Variants in HS3ST4 observed in about 807,000 individuals in gnomAD.
The protein encoded by HS3ST4 is heparan sulfate-glucosamine 3-sulfotransferase 4.
Under a neutral mutation model 29.2 loss-of-function variants are expected in HS3ST4, and 17 were observed. The observed-to-expected ratio is 0.58, with a 90% CI of 0.40 to 0.87. The LOEUF is 0.87. HS3ST4 is among the 40% of genes least tolerant of loss of function. The pLI is 0.00. For missense variants in HS3ST4, 627 were observed against 634.5 expected (o/e 0.99, Z 0.13); for synonymous variants, 314 against 285.7 (o/e 1.10, Z -1.00).
intron 1 of HS3ST4, among the ~76,000 whole-genome samples, chr16:25,829,207 G>A (rs1365518048): frequency 1.3e-5 from 2 of 152,192 alleles, no homozygotes; most frequent in African/African-American, 2.4e-5. Context: ...CTCCCTTCAT[G>A]GAGACTTGCC....
At chr16:25,743,457 C>T (rs1243757408) in intron 1 of HS3ST4, among the ~76,000 whole-genome samples, 1 of 152,122 alleles carries the variant, frequency 6.6e-6, no homozygotes. Flanking sequence ...ATCGGCATAT[C>T]AGAGGAGGCT....
intron 1 of HS3ST4, among the ~76,000 whole-genome samples, chr16:25,988,662 G>A (rs1335637397): frequency 6.6e-6 from 1 of 152,130 alleles, no homozygotes; most frequent in African/African-American, 2.4e-5. Context: ...GCTAAATGAT[G>A]AGAACACATG....
intron 1 of HS3ST4, among the ~76,000 whole-genome samples, chr16:25,831,627 A>G (rs1967302026): frequency 6.6e-6 from 1 of 151,990 alleles, no homozygotes; most frequent in Non-Finnish European, 1.5e-5. Context: ...AAAATTTTGC[A>G]TATTGACCCA....
At chr16:25,710,620 A>G (rs1045063470) in intron 1 of HS3ST4, among the ~76,000 whole-genome samples, 2 of 151,970 alleles carry the variant, frequency 1.3e-5, no homozygotes, top group Non-Finnish European at 2.9e-5. Context: ...TATTAGGCCT[A>G]TGTACTAGAA....
chr16:25,849,684 T>G (rs1967498898), intron 1 of HS3ST4, among the ~76,000 whole-genome samples: 1 of 152,062 alleles, frequency 6.6e-6, no homozygotes, highest in South Asian at 2.1e-4. Flanking sequence ...TTACGTATGT[T>G]TTTGTAGAGA....
At chr16:26,032,858 G>C in intron 1 of HS3ST4, 1 of 1,551,914 alleles carries the variant, frequency 6.4e-7, no homozygotes, top group Non-Finnish European at 8.7e-7. Flanking sequence ...GACGCGGGAT[G>C]CAGTGGCGCG....
intron 1 of HS3ST4, among the ~76,000 whole-genome samples, chr16:25,723,021 C>G (rs1966508120): frequency 6.6e-6 from 1 of 152,102 alleles, no homozygotes; most frequent in Non-Finnish European, 1.5e-5. Context: ...GAATGAGAAA[C>G]AAGTAAAAGA....
chr16:25,696,215 C>T (rs1264150076), intron 1 of HS3ST4, among the ~76,000 whole-genome samples: 1 of 152,202 alleles, frequency 6.6e-6, no homozygotes, highest in Non-Finnish European at 1.5e-5. Flanking sequence ...AGATTAAACC[C>T]TCCATGCCCT....
chr16:25,797,363 G>A (rs937299365), intron 1 of HS3ST4, among the ~76,000 whole-genome samples: 14 of 152,102 alleles, frequency 9.2e-5, no homozygotes, highest in African/African-American at 2.4e-4. Flanking sequence ...ACGGTATTGC[G>A]TTGAATTATG....
At chr16:25,724,094 C>G (rs2141590682) in intron 1 of HS3ST4, among the ~76,000 whole-genome samples, 1 of 119,892 alleles carries the variant, frequency 8.3e-6, no homozygotes, top group Admixed American at 1.1e-4. Context: ...AGCCTGGCGA[C>G]AGAGCGAGAC....
At chr16:25,949,470 G>A (rs1012583740) in intron 1 of HS3ST4, among the ~76,000 whole-genome samples, 1 of 152,072 alleles carries the variant, frequency 6.6e-6, no homozygotes, top group Non-Finnish European at 1.5e-5. Context: ...TTTTCCACTG[G>A]GACCTTTCTT....
intron 1 of HS3ST4, among the ~76,000 whole-genome samples, chr16:25,719,931 T>C (rs1966481984): frequency 6.6e-6 from 1 of 152,138 alleles, no homozygotes; most frequent in Non-Finnish European, 1.5e-5. Context: ...TATGGGAAAA[T>C]GCTCATTGTA....
chr16:25,981,452 A>T (rs185173346), intron 1 of HS3ST4, among the ~76,000 whole-genome samples: 39 of 152,236 alleles, frequency 2.6e-4, no homozygotes, highest in Admixed American at 1.8e-3. Context: ...TTGGAGAGTC[A>T]AGGCCCCAAG....
rs939847605 is a variant in HS3ST4, at chr16:25,754,410, GTGGAT to G, written c.734+61261_734+61265del. ...CATTCATCCACCCACCCACGTGTCT[GTGGAT>G]TCATTCACCTACCACCCATCCATCT... On this transcript the variant is annotated intron_variant, in intron 1 of 1. Coordinates refer to ENST00000331351, the MANE Select transcript of HS3ST4 (RefSeq NM_006040.3). 2.7e-4 allele frequency among the ~76,000 whole-genome samples: 41 copies of G among 151,076 alleles called. No individual in the cohort carries two copies. In the East Asian group the frequency reaches 5.7e-3, roughly 21 times the overall value.
chr16:25,993,458 G>C (rs893731441), intron 1 of HS3ST4, among the ~76,000 whole-genome samples: 3 of 152,118 alleles, frequency 2.0e-5, no homozygotes, highest in Non-Finnish European at 4.4e-5. Context: ...TGTGACAGCT[G>C]TGGGGCATCC....
At chr16:25,866,223 G>A (rs6497899) in intron 1 of HS3ST4, among the ~76,000 whole-genome samples, 19,906 of 152,140 alleles carry the variant, frequency 0.13, 1,430 homozygotes, top group East Asian at 0.26. Context: ...CTATAATAGA[G>A]ACTAATGACC....
chr16:25,938,535 T>C (rs1029068538), intron 1 of HS3ST4, among the ~76,000 whole-genome samples: 2 of 152,044 alleles, frequency 1.3e-5, no homozygotes, highest in Admixed American at 6.6e-5. Context: ...AGGGAGCTGG[T>C]ACCTGTTCTT....
At chr16:25,924,133 G>A (rs1968380849) in intron 1 of HS3ST4, among the ~76,000 whole-genome samples, 1 of 152,120 alleles carries the variant, frequency 6.6e-6, no homozygotes. Flanking sequence ...GGCATCCACT[G>A]TCTCAGTTAA....
intron 1 of HS3ST4, among the ~76,000 whole-genome samples, chr16:25,955,139 T>C (rs931414516): frequency 2.0e-5 from 3 of 152,164 alleles, no homozygotes; most frequent in African/African-American, 7.2e-5. Context: ...CCCTCCCTTG[T>C]CATTCAAAGC....
Sources: gnomAD v4.1 joint callset for allele counts (sites outside exome capture counted in the v4.1 genomes callset) on GRCh38, gnomAD v4.1.1 for gene constraint, MANE v1.5 for transcripts, NCBI Gene and HGNC (gene_info 2026-07-23, HGNC 2026-07-21) for gene names.